Variants in MAP2K5 observed in about 807,000 individuals in gnomAD.
The protein encoded by MAP2K5 is mitogen-activated protein kinase kinase 5.
MAP2K5 carries 49 observed loss-of-function variants against 83.1 expected under a neutral mutation model. The ratio of observed to expected loss-of-function variants is 0.59; its 90% CI spans 0.47 to 0.75. The LOEUF (loss-of-function observed/expected upper bound fraction) is 0.75. Among genes scored for constraint, MAP2K5 ranks in the 30% least tolerant of loss-of-function variants. The probability of loss-of-function intolerance (pLI) is 0.00; values close to 1 mark genes in which losing one functional copy is unlikely to be tolerated. For missense variants in MAP2K5, 457 were observed against 557.5 expected (o/e 0.82, Z 1.82); for synonymous variants, 202 against 191.8 (o/e 1.05, Z -0.44).
intron 8 of MAP2K5, among the ~76,000 whole-genome samples, chr15:67,602,201 G>A (rs530701492): frequency 2.8e-4 from 42 of 152,156 alleles, no homozygotes; most frequent in African/African-American, 9.9e-4. Flanking sequence ...TCTTCCTTAC[G>A]ATCTGACTTA....
chr15:67,601,796 G>T (rs935226452), intron 8 of MAP2K5, among the ~76,000 whole-genome samples: 4 of 152,218 alleles, frequency 2.6e-5, no homozygotes, highest in African/African-American at 9.6e-5. Context: ...TATAGAATTT[G>T]ATTTCTCAGG....
chr15:67,709,344 GAACTAGGACA>G (rs1276897168), intron 16 of MAP2K5, among the ~76,000 whole-genome samples: 2 of 152,130 alleles, frequency 1.3e-5, no homozygotes, highest in Non-Finnish European at 2.9e-5. Flanking sequence ...TAAAATTCCT[GAACTAGGACA>G]AACTAGGAGG....
At position 67,738,122 on chromosome 15, in the gene MAP2K5, G is replaced by A. The variant is rs534997804; in HGVS notation, c.1075-10109G>A. 1.7e-3 allele frequency among the ~76,000 whole-genome samples: 252 copies of A among 152,248 alleles called. No individual in the cohort carries two copies. The highest frequency in any genetic ancestry group is 5.8e-3 in the African/African-American group (240 of 41,542). On this transcript the variant is annotated intron_variant, in intron 17 of 21. Coordinates refer to ENST00000178640, the MANE Select transcript of MAP2K5 (RefSeq NM_145160.3). This position sits in a 1 kb window ranked among gnomAD's most constrained non-coding sequence, Gnocchi z 4.1. The stretch of plus-strand genomic sequence containing the variant: ...CTGCCTCAGCCTCCCAGAGTACTGG[G>A]ATTACAGGCGTGAGCCACTGCACTT...
rs2084819872 is a variant in MAP2K5, at chr15:67,565,535, A to G, written c.252+2185A>G. 6.6e-6 allele frequency among the ~76,000 whole-genome samples: 1 copy of G among 151,870 alleles called. No individual in the cohort carries two copies. The highest frequency in any genetic ancestry group is 1.5e-5 in the Non-Finnish European group (1 of 67,948). On this transcript the variant is annotated intron_variant, in intron 3 of 21. Coordinates refer to ENST00000178640, the MANE Select transcript of MAP2K5 (RefSeq NM_145160.3). The surrounding 1 kb of genome is among the most constrained non-coding windows in gnomAD (Gnocchi z 4.1). ...GAGCCACTGTGCCCGGCCTGTCATC[A>G]TCATTATTAAATTCTGAATAATTTG...
intron 21 of MAP2K5, among the ~76,000 whole-genome samples, chr15:67,795,825 C>G (rs2090595601): frequency 6.6e-6 from 1 of 152,214 alleles, no homozygotes; most frequent in Non-Finnish European, 1.5e-5. Context: ...AAATCTCCCA[C>G]TACTATTGTG....
At chr15:67,705,704 C>T (rs1014538992) in intron 16 of MAP2K5, among the ~76,000 whole-genome samples, 1 of 151,872 alleles carries the variant, frequency 6.6e-6, no homozygotes, top group Non-Finnish European at 1.5e-5. Flanking sequence ...CCATTGTGCT[C>T]CAGCCTGTGT....
intron 21 of MAP2K5, among the ~76,000 whole-genome samples, chr15:67,788,691 A>T (rs1439367565): frequency 2.0e-5 from 3 of 152,194 alleles, no homozygotes; most frequent in Non-Finnish European, 4.4e-5. Context: ...ATGATTAAAA[A>T]TTTGGCCAGA....
intron 9 of MAP2K5, among the ~76,000 whole-genome samples, chr15:67,633,990 T>A (rs2086532771): frequency 6.6e-6 from 1 of 152,152 alleles, no homozygotes; most frequent in African/African-American, 2.4e-5. Flanking sequence ...ACCCTTCCTA[T>A]AACTTAAATT....
At chr15:67,675,804 C>T (rs940401477) in intron 13 of MAP2K5, among the ~76,000 whole-genome samples, 2 of 152,134 alleles carry the variant, frequency 1.3e-5, no homozygotes, top group Non-Finnish European at 2.9e-5. Context: ...TCCCATGCTT[C>T]TGTGGTAGGA....
rs770762000 is a variant in MAP2K5, at chr15:67,806,807, G to A, written c.*57G>A. 1.8e-5 allele frequency: 29 copies of A among 1,597,544 alleles called. No homozygotes were observed. Among genetic ancestry groups the A allele is most frequent in the South Asian group, 3.3e-5 (3 of 90,334 alleles). On this transcript the variant is annotated 3_prime_UTR_variant, in exon 22 of 22. Coordinates refer to ENST00000178640, the MANE Select transcript of MAP2K5 (RefSeq NM_145160.3). ...AGTAACCAAGGAGAACAACCCACCC[G>A]TCGCCCTTCTCCGTATGCTGCCTGC... is the stretch of plus-strand genomic sequence containing the variant.
Position 67,758,385 on chromosome 15 carries a change from G to A in MAP2K5, c.1134+9784G>A, listed in dbSNP as rs1354752266. Reference sequence around the variant, plus strand: ...TCTCCTGAGATGGGGCACACGGAAAGAGAGGCATTTTCAAGGGATGAGATG... The same window carrying A: ...TCTCCTGAGATGGGGCACACGGAAAAAGAGGCATTTTCAAGGGATGAGATG... On this transcript the variant is annotated intron_variant, in intron 19 of 21. Transcript: ENST00000178640. The surrounding 1 kb of genome is among the most constrained non-coding windows in gnomAD (Gnocchi z 4.7). 6.6e-6 allele frequency among the ~76,000 whole-genome samples: 1 copy of A among 152,148 alleles called. No homozygotes were observed. The highest frequency in any genetic ancestry group is 1.5e-5 in the Non-Finnish European group (1 of 68,036).
chr15:67,550,696 G>C (rs1489432650), intron 2 of MAP2K5, among the ~76,000 whole-genome samples: 4 of 152,140 alleles, frequency 2.6e-5, no homozygotes, highest in African/African-American at 9.7e-5. Context: ...TAAGGGCCCG[G>C]ATGCTGAGAG....
In MAP2K5 at chr15:67,747,125, G is replaced by A. The variant is rs927325686; in HGVS notation, c.1075-1106G>A. Among the ~76,000 whole-genome samples, 17 of 152,158 alleles carry A rather than the reference G, an allele frequency of 1.1e-4. No homozygotes were observed. Among genetic ancestry groups the A allele is most frequent in the African/African-American group, 4.1e-4 (17 of 41,428 alleles). On this transcript the variant is annotated intron_variant, in intron 17 of 21. Coordinates refer to ENST00000178640, the MANE Select transcript of MAP2K5 (RefSeq NM_145160.3). This position sits in a 1 kb window ranked among gnomAD's most constrained non-coding sequence, Gnocchi z 4.1. ...ACCCTGGCGCTGAGGCCTCAGGCCC[G>A]GACACTGTCCTCTGATAGGCCCAGC...
chr15:67,667,100 C>G (rs1567347223), intron 13 of MAP2K5, among the ~76,000 whole-genome samples: 3 of 152,178 alleles, frequency 2.0e-5, no homozygotes, highest in Non-Finnish European at 2.9e-5. Flanking sequence ...TTTTGTAAAG[C>G]ATTGTAATGA....
Position 67,572,642 on chromosome 15 carries a change from G to C in MAP2K5, c.253-8112G>C, listed in dbSNP as rs552826560. ...TGGGGAGATGTGCTCTGCTACAAGG[G>C]TTTGTGATAAAGGATTCATTTTCTT... On this transcript the variant is annotated intron_variant, in intron 3 of 21. Transcript: ENST00000178640. The surrounding 1 kb of genome is among the most constrained non-coding windows in gnomAD (Gnocchi z 4.2). Among the ~76,000 whole-genome samples the C allele has an allele frequency of 6.6e-6, 1 of 152,096 alleles. No homozygotes were observed. Among genetic ancestry groups the C allele is most frequent in the East Asian group, 1.9e-4 (1 of 5,178 alleles).
rs959632750 is a variant in MAP2K5, at chr15:67,666,857, C to T, written c.847+2212C>T. On this transcript the variant is annotated intron_variant, in intron 13 of 21. Transcript: ENST00000178640. ...AGGAATTTCAGTGAATGAGTGTGCA[C>T]CTACATCTGTCTCAATGGAAAGACT... Among the ~76,000 whole-genome samples the T allele has an allele frequency of 4.6e-5, 7 of 152,156 alleles. No homozygotes were observed. The South Asian group carries it at 8.3e-4, about 18-fold the overall frequency.
chr15:67,748,408 A>G lies in MAP2K5; in HGVS notation c.1101+151A>G. 1 of 821,216 alleles carries G rather than the reference A, an allele frequency of 1.2e-6. No individual in the cohort carries two copies. Among genetic ancestry groups the G allele is most frequent in the Non-Finnish European group, 2.0e-6 (1 of 505,546 alleles). The allele number at this position is 821,216 out of a possible 1,614,324, so 50.9% of individuals were successfully genotyped here. ...TGCCTGTATTAGATTAGGTACCATT[A>G]GAAATAATAGAACCTCCTGAGCATC... On this transcript the variant is annotated intron_variant, in intron 18 of 21. Transcript: ENST00000178640. The surrounding 1 kb of genome is among the most constrained non-coding windows in gnomAD (Gnocchi z 4.0).
intron 9 of MAP2K5, among the ~76,000 whole-genome samples, chr15:67,643,975 A>G (rs994903053): frequency 1.1e-4 from 16 of 152,266 alleles, no homozygotes; most frequent in Non-Finnish European, 1.5e-5. Flanking sequence ...TGAATGCTAC[A>G]TAACTACACT....
intron 13 of MAP2K5, chr15:67,670,399 A>G (rs1269854786): frequency 4.4e-6 from 2 of 455,588 alleles, no homozygotes; most frequent in Non-Finnish European, 4.4e-6. Context: ...TGGTAGTTAC[A>G]TGGTTATATG....
Sources: allele counts gnomAD v4.1 joint callset (sites outside exome capture counted in the v4.1 genomes callset), GRCh38; gene constraint gnomAD v4.1.1; non-coding constraint Gnocchi (gnomAD v3.1); transcripts MANE v1.5; gene names NCBI Gene and HGNC (gene_info 2026-07-23, HGNC 2026-07-21).